The following RERE variants were observed in gnomAD, a reference collection of about 807,000 sequenced individuals.
RERE encodes the protein arginine-glutamic acid dipeptide repeats, also known as arginine-glutamic acid dipeptide repeats protein.
In RERE, 40 loss-of-function variants were observed where a neutral mutation model predicts 146.1. That is an observed-to-expected ratio of 0.27 (90% CI 0.21 to 0.36). RERE has a LOEUF of 0.36. RERE is among the 10% of genes least tolerant of loss of function. The pLI is 1.00. For synonymous variants in RERE, 1,003 were observed against 866.0 expected, an observed-to-expected ratio of 1.16 and a Z score of -2.78; for missense variants, 1,933 against 2,138.7, an observed-to-expected ratio of 0.90 and a Z score of 1.90.
intron 2 of RERE, among the ~76,000 whole-genome samples, chr1:8,630,188 TGCTGGAAACAAC>T (rs1647018954): frequency 6.6e-6 from 1 of 152,150 alleles, no homozygotes; most frequent in African/African-American, 2.4e-5. Flanking sequence ...TGTGTGTGCA[TGCTGGAAACAAC>T]GCTGAAATCC....
chr1:8,641,286 T>C (rs552021776), intron 2 of RERE, among the ~76,000 whole-genome samples: 3 of 152,318 alleles, frequency 2.0e-5, no homozygotes, highest in South Asian at 2.1e-4. Flanking sequence ...ACAAAACTGA[T>C]AGAGTATAAC....
chr1:8,666,811 A>C (rs906574930), intron 1 of RERE, among the ~76,000 whole-genome samples: 24 of 152,362 alleles, frequency 1.6e-4, no homozygotes, highest in Non-Finnish European at 2.1e-4. Context: ...TCCATGTTTT[A>C]AAGTTCTTCC....
intron 1 of RERE, among the ~76,000 whole-genome samples, chr1:8,676,309 A>T (rs943474801): frequency 2.0e-5 from 3 of 152,184 alleles, no homozygotes; most frequent in African/African-American, 7.2e-5. Flanking sequence ...TGCCTTATCT[A>T]CTGATGGGGT....
rs567556868 is a variant in RERE, at chr1:8,564,832, A to ATGTG, written c.523-7313_523-7310dup. Among the ~76,000 whole-genome samples, 845 of 139,052 alleles carry ATGTG rather than the reference A, an allele frequency of 6.1e-3. 6 individuals are homozygous for ATGTG. The highest frequency in any genetic ancestry group is 0.011 in the African/African-American group (389 of 35,414). 91.2% of individuals were successfully genotyped at this position (139,052 alleles called of 152,430 possible). Reference sequence around the variant, plus strand: ...TGTATGTATGTGTGTGTATATGTGTATGTGTGTGTGTGTGTGTGTGTGTGT... The same window carrying ATGTG: ...TGTATGTATGTGTGTGTATATGTGTATGTGTGTGTGTGTGTGTGTGTGTGTGTGT... On this transcript the variant is annotated intron_variant, in intron 4 of 22. Coordinates refer to ENST00000400908, the MANE Select transcript of RERE (RefSeq NM_001042681.2).
chr1:8,365,486 G>A (rs1180669844), intron 13 of RERE, among the ~76,000 whole-genome samples: 1 of 152,200 alleles, frequency 6.6e-6, no homozygotes, highest in Non-Finnish European at 1.5e-5. Context: ...TACATCATCT[G>A]TCAAATGGAA....
At chr1:8,550,373 A>G (rs1284180401) in intron 6 of RERE, among the ~76,000 whole-genome samples, 1 of 152,252 alleles carries the variant, frequency 6.6e-6, no homozygotes, top group African/African-American at 2.4e-5. Flanking sequence ...CTAAGCATGT[A>G]TAGACAAAAC....
intron 7 of RERE, among the ~76,000 whole-genome samples, chr1:8,538,612 C>T (rs1036540826): frequency 1.3e-5 from 2 of 152,226 alleles, no homozygotes; most frequent in African/African-American, 2.4e-5. Context: ...ATGTCTACAA[C>T]GGCCTTTACA....
chr1:8,740,942 T>C (rs574021577), intron 1 of RERE, among the ~76,000 whole-genome samples: 1 of 152,356 alleles, frequency 6.6e-6, no homozygotes, highest in South Asian at 2.1e-4. Flanking sequence ...AAGTACACTA[T>C]AGTAAATACA....
At chr1:8,447,826 C>T (rs868388724) in intron 11 of RERE, among the ~76,000 whole-genome samples, 2 of 152,222 alleles carry the variant, frequency 1.3e-5, no homozygotes, top group Non-Finnish European at 2.9e-5. Context: ...CCAACTCGAG[C>T]CAGGCTCTGC....
intron 6 of RERE, among the ~76,000 whole-genome samples, chr1:8,542,394 C>T (rs930617514): frequency 1.8e-4 from 27 of 152,166 alleles, no homozygotes; most frequent in Admixed American, 5.2e-4. Context: ...ACAACATACA[C>T]ACCAGCTAAT....
In RERE at chr1:8,600,868, C is replaced by T. The variant is rs111988435; in HGVS notation, c.522+13693G>A. 9.2e-3 allele frequency among the ~76,000 whole-genome samples: 1,397 copies of T among 151,466 alleles called. 14 individuals carry two copies. Among genetic ancestry groups the T allele is most frequent in the South Asian group, 0.018 (85 of 4,784 alleles). On this transcript the variant is annotated intron_variant, in intron 4 of 22. Coordinates refer to ENST00000400908, the MANE Select transcript of RERE (RefSeq NM_001042681.2). Reference sequence around the variant, plus strand: ...CTCCAGGGTTCACACCATTCTCCTGCCTCAGCCTCCCGAGTAGCTGGGACT... The same window carrying T: ...CTCCAGGGTTCACACCATTCTCCTGTCTCAGCCTCCCGAGTAGCTGGGACT...
chr1:8,422,043 C>G (rs1643917417), intron 12 of RERE, among the ~76,000 whole-genome samples: 1 of 152,180 alleles, frequency 6.6e-6, no homozygotes, highest in Non-Finnish European at 1.5e-5. Context: ...GAATCCCTTC[C>G]CCGCATTCTC....
At chr1:8,459,417 A>G (rs1644497903) in intron 11 of RERE, among the ~76,000 whole-genome samples, 1 of 152,198 alleles carries the variant, frequency 6.6e-6, no homozygotes, top group Non-Finnish European at 1.5e-5. Flanking sequence ...AAGGGTGGTT[A>G]GTAGAGAGGA....
rs1381083932 is a variant in RERE at position 8,360,782 on chromosome 1, A to G, written c.2725T>C (p.Ser909Pro). The G allele has an allele frequency of 6.4e-5, 102 of 1,591,760 alleles. No individual in the cohort carries two copies. The highest frequency in any genetic ancestry group is 8.7e-5 in the Non-Finnish European group (102 of 1,174,184). ...QLPASQSALQ[S>P]QQPPREQPLP... ...GGCTGCTCCCGTGGAGGCTGTTGGGACTGCAGCGCTGACTGAGAGGCTGGC... is the reference window on the plus strand; with the variant it reads ...GGCTGCTCCCGTGGAGGCTGTTGGGGCTGCAGCGCTGACTGAGAGGCTGGC... Residue 909 changes from serine (S) to proline (P), a missense_variant, in exon 18 of 23, where the codon TCC becomes CCC. Physicochemically the swap from Ser to Pro is moderately conservative, Grantham distance 74 (BLOSUM62 -1). Coordinates refer to ENST00000400908, the MANE Select transcript of RERE (RefSeq NM_001042681.2).
At chr1:8,731,979 A>C (rs1438820012) in intron 1 of RERE, among the ~76,000 whole-genome samples, 4 of 151,882 alleles carry the variant, frequency 2.6e-5, no homozygotes, top group Admixed American at 1.3e-4. Flanking sequence ...ATTTTTTTGT[A>C]TTTTTAGTAG....
rs973876968 is a variant in RERE, at chr1:8,352,637, C to T, written c.*2450G>A. On this transcript the variant is annotated 3_prime_UTR_variant, in exon 23 of 23. Coordinates refer to ENST00000400908, the MANE Select transcript of RERE (RefSeq NM_001042681.2). ...GAGTGAAGCTCAACCTCGAGGACAC[C>T]GAACAAGATACGGACACACACAGAG... 63 of 152,262 alleles carry T rather than the reference C, an allele frequency of 4.1e-4. No individual in the cohort carries two copies. The highest frequency in any genetic ancestry group is 1.9e-4 in the East Asian group (1 of 5,186). The allele number at this position is 152,262 out of a possible 1,614,324, so 9.4% of individuals were successfully genotyped here. A position where few individuals can be genotyped will look rare whatever the true frequency, so the allele number is the denominator to read the frequency against.
intron 12 of RERE, among the ~76,000 whole-genome samples, chr1:8,393,849 T>C (rs1642965167): frequency 6.6e-6 from 1 of 152,142 alleles, no homozygotes; most frequent in African/African-American, 2.4e-5. Flanking sequence ...TAAGAAAATA[T>C]ATTAACATAT....
At chr1:8,472,968 T>A (rs1644708256) in intron 10 of RERE, among the ~76,000 whole-genome samples, 1 of 152,200 alleles carries the variant, frequency 6.6e-6, no homozygotes, top group Admixed American at 6.5e-5. Flanking sequence ...ATAAAACCTG[T>A]CTTCCCTAAA....
chr1:8,638,697 C>G (rs1213262078), intron 2 of RERE, among the ~76,000 whole-genome samples: 1 of 151,820 alleles, frequency 6.6e-6, no homozygotes, highest in Non-Finnish European at 1.5e-5. Flanking sequence ...TTTACTTGTC[C>G]ACATTTTTCA....
Sources: gnomAD v4.1 joint callset for allele counts (sites outside exome capture counted in the v4.1 genomes callset) on GRCh38, gnomAD v4.1.1 for gene constraint, MANE v1.5 for transcripts, NCBI Gene and HGNC (gene_info 2026-07-23, HGNC 2026-07-21) for gene names.